Variants in SCFD2 observed in about 807,000 individuals in gnomAD.
SCFD2 encodes sec1 family domain-containing protein 2.
SCFD2 carries 54 observed loss-of-function variants against 58.9 expected under a neutral mutation model. That is an observed-to-expected ratio of 0.92 (90% CI 0.74 to 1.15). The LOEUF is 1.15. Among genes scored for constraint, SCFD2 ranks in the 50% most tolerant of loss-of-function variants. The pLI, the probability that SCFD2 is intolerant of heterozygous loss-of-function variation, is 0.00. For missense variants in SCFD2, 805 were observed against 836.6 expected, an observed-to-expected ratio of 0.96 and a Z score of 0.47; for synonymous variants, 321 against 335.9, an observed-to-expected ratio of 0.96 and a Z score of 0.49.
At chr4:52,978,426 C>T (rs1475777084) in intron 5 of SCFD2, among the ~76,000 whole-genome samples, 1 of 152,106 alleles carries the variant, frequency 6.6e-6, no homozygotes, top group Non-Finnish European at 1.5e-5. Flanking sequence ...TTAGCCCAAC[C>T]TCCTCATCTA....
chr4:53,322,638 T>C (rs1260444812), intron 2 of SCFD2, among the ~76,000 whole-genome samples: 1 of 152,224 alleles, frequency 6.6e-6, no homozygotes, highest in Admixed American at 6.5e-5. Flanking sequence ...GTTTTTCATA[T>C]AGATTTCTAA....
intron 5 of SCFD2, among the ~76,000 whole-genome samples, chr4:52,933,173 A>T (rs963092852): frequency 1.3e-5 from 2 of 152,072 alleles, no homozygotes; most frequent in African/African-American, 4.8e-5. Flanking sequence ...CAGGGTTAGG[A>T]TCTGGAAGAA....
At chr4:53,237,508 C>T (rs1729673777) in intron 4 of SCFD2, among the ~76,000 whole-genome samples, 1 of 28,618 alleles carries the variant, frequency 3.5e-5, no homozygotes, top group Non-Finnish European at 6.5e-5. Context: ...GGCGGCTGGC[C>T]GGGCGGGGGG....
At chr4:53,247,204 A>G (rs1730114197) in intron 4 of SCFD2, among the ~76,000 whole-genome samples, 1 of 152,244 alleles carries the variant, frequency 6.6e-6, no homozygotes, top group African/African-American at 2.4e-5. Context: ...AACCATAGTG[A>G]CATAATCTCA....
At chr4:53,326,686 T>A (rs1375617433) in intron 2 of SCFD2, among the ~76,000 whole-genome samples, 1 of 152,160 alleles carries the variant, frequency 6.6e-6, no homozygotes, top group Non-Finnish European at 1.5e-5. Context: ...AGTCTTGCTA[T>A]CAGTTTTGTC....
At chr4:53,230,730 C>A (rs1729410726) in intron 4 of SCFD2, among the ~76,000 whole-genome samples, 1 of 151,816 alleles carries the variant, frequency 6.6e-6, no homozygotes, top group African/African-American at 2.4e-5. Flanking sequence ...ATGTAACAAA[C>A]CTGCACGTTG....
At chr4:53,195,415 C>T (rs1195743610) in intron 4 of SCFD2, among the ~76,000 whole-genome samples, 1 of 152,076 alleles carries the variant, frequency 6.6e-6, no homozygotes, top group Non-Finnish European at 1.5e-5. Flanking sequence ...CCTGCCTTTA[C>T]CTCTAATTGT....
chr4:53,327,719 A>T (rs956912785), intron 2 of SCFD2, among the ~76,000 whole-genome samples: 3 of 152,244 alleles, frequency 2.0e-5, no homozygotes, highest in Non-Finnish European at 4.4e-5. Context: ...TAAGAGGGTC[A>T]GGTTACTCAA....
chr4:52,926,725 C>A (rs1431253318), intron 5 of SCFD2, among the ~76,000 whole-genome samples: 1 of 152,112 alleles, frequency 6.6e-6, no homozygotes, highest in East Asian at 1.9e-4. Context: ...TGCCTGCCTG[C>A]CTATCAGCAA....
chr4:53,224,891 AT>A (rs1438279570), intron 4 of SCFD2, among the ~76,000 whole-genome samples: 2 of 152,072 alleles, frequency 1.3e-5, no homozygotes, highest in Non-Finnish European at 2.9e-5. Flanking sequence ...AGTTAGCTTC[AT>A]GGTATATATG....
chr4:53,050,078 AT>A (rs1410135224), intron 5 of SCFD2, among the ~76,000 whole-genome samples: 1 of 152,242 alleles, frequency 6.6e-6, no homozygotes, highest in African/African-American at 2.4e-5. Flanking sequence ...CGAATGTCAC[AT>A]GCAAAGGTAG....
rs1734661760 is a variant in SCFD2, at chr4:53,365,273, G to A, written c.669C>T (p.Leu223=). The change falls in exon 1 of 9, where the codon CTC becomes CTT. Residue 223 remains leucine, a synonymous_variant. Coordinates refer to ENST00000401642, the MANE Select transcript of SCFD2 (RefSeq NM_152540.4). This position sits in a 1 kb window ranked among gnomAD's most constrained non-coding sequence, Gnocchi z 4.3. ...LLQIRCLVSG[L]SSLCEHLGVR... ...CTCCTAAATGTTCACACAGAGAACT[G>A]AGGCCTGACACTAGGCATCTGATCT... is the stretch of plus-strand genomic sequence containing the variant. 1 of 1,614,192 alleles carries A rather than the reference G, an allele frequency of 6.2e-7. No individual in the cohort carries two copies.
intron 5 of SCFD2, among the ~76,000 whole-genome samples, chr4:53,091,479 A>G (rs1724467370): frequency 6.6e-6 from 1 of 152,108 alleles, no homozygotes; most frequent in Admixed American, 6.6e-5. Context: ...TTGAGTATAT[A>G]TTGTCTCTGA....
intron 2 of SCFD2, among the ~76,000 whole-genome samples, chr4:53,332,851 A>C (rs1042896038): frequency 2.0e-5 from 3 of 150,344 alleles, no homozygotes; most frequent in African/African-American, 7.4e-5. Context: ...AGAAAACCCC[A>C]TTGTCTCAGC....
chr4:52,987,678 T>A (rs1200179901), intron 5 of SCFD2, among the ~76,000 whole-genome samples: 1 of 152,218 alleles, frequency 6.6e-6, no homozygotes, highest in African/African-American at 2.4e-5. Context: ...CTGAACTAAC[T>A]CCAAGCAGTA....
chr4:53,093,389 G>C (rs924092135), intron 5 of SCFD2, among the ~76,000 whole-genome samples: 2 of 152,170 alleles, frequency 1.3e-5, no homozygotes, highest in Non-Finnish European at 2.9e-5. Context: ...GAGTAAATCA[G>C]TGCAATTTCC....
intron 7 of SCFD2, among the ~76,000 whole-genome samples, chr4:52,893,141 A>T (rs1022504421): frequency 1.3e-5 from 2 of 152,154 alleles, no homozygotes; most frequent in Non-Finnish European, 2.9e-5. Context: ...AAATGCCCTT[A>T]AGTCCAATGG....
chr4:52,909,608 T>C (rs2109473674), intron 6 of SCFD2, among the ~76,000 whole-genome samples: 1 of 152,214 alleles, frequency 6.6e-6, no homozygotes, highest in Non-Finnish European at 1.5e-5. Flanking sequence ...TTTCATTGTA[T>C]TGTTTATTTA....
intron 4 of SCFD2, among the ~76,000 whole-genome samples, chr4:53,198,035 A>G (rs182738010): frequency 1.5e-4 from 23 of 152,184 alleles, no homozygotes; most frequent in Non-Finnish European, 2.9e-4. Flanking sequence ...AAATTCTGGG[A>G]GTTTGCGGAC....
Sources: allele counts gnomAD v4.1 joint callset (sites outside exome capture counted in the v4.1 genomes callset), GRCh38; gene constraint gnomAD v4.1.1; non-coding constraint Gnocchi (gnomAD v3.1); transcripts MANE v1.5; gene names NCBI Gene and HGNC (gene_info 2026-07-23, HGNC 2026-07-21).